Variants in MACROD2 observed in about 807,000 individuals in gnomAD.
MACROD2 encodes the protein ADP-ribose glycohydrolase MACROD2.
MACROD2 carries 36 observed loss-of-function variants against 70.4 expected under a neutral mutation model. The observed-to-expected ratio is 0.51, with a 90% CI of 0.39 to 0.68. MACROD2 has a LOEUF of 0.68. Among genes scored for constraint, MACROD2 ranks in the 30% least tolerant of loss-of-function variants. MACROD2 has a pLI of 0.00. For synonymous variants in MACROD2, 172 were observed against 178.8 expected (o/e 0.96, Z 0.30); for missense variants, 496 against 538.4 (o/e 0.92, Z 0.78).
chr20:15,297,996 C>T (rs1174014057), intron 6 of MACROD2, among the ~76,000 whole-genome samples: 1 of 152,148 alleles, frequency 6.6e-6, no homozygotes, highest in Non-Finnish European at 1.5e-5. Context: ...AATTGTCCTT[C>T]AAAGAGATGG....
chr20:15,138,461 A>G (rs1015604236), intron 5 of MACROD2, among the ~76,000 whole-genome samples: 1 of 152,142 alleles, frequency 6.6e-6, no homozygotes, highest in African/African-American at 2.4e-5. Context: ...TGTAAAATTC[A>G]AAGAGTAGAA....
At chr20:14,031,083 T>C (rs2053241868) in intron 2 of MACROD2, among the ~76,000 whole-genome samples, 1 of 152,248 alleles carries the variant, frequency 6.6e-6, no homozygotes, top group Non-Finnish European at 1.5e-5. Flanking sequence ...CTAACAGCTC[T>C]AGCCTGGGAT....
chr20:14,303,285 G>A (rs544280787), intron 3 of MACROD2, among the ~76,000 whole-genome samples: 101 of 152,252 alleles, frequency 6.6e-4, no homozygotes, highest in Non-Finnish European at 2.8e-4. Flanking sequence ...ACAGCTGAGG[G>A]GATCAGCGGA....
At chr20:14,489,448 G>A (rs780108852) in intron 3 of MACROD2, among the ~76,000 whole-genome samples, 4 of 152,126 alleles carry the variant, frequency 2.6e-5, no homozygotes, top group Non-Finnish European at 4.4e-5. Flanking sequence ...CAAACTCTAG[G>A]GAATATAATG....
chr20:15,768,533 G>C (rs555850705), intron 8 of MACROD2, among the ~76,000 whole-genome samples: 15 of 152,308 alleles, frequency 9.8e-5, no homozygotes, highest in African/African-American at 3.4e-4. Flanking sequence ...GTGAGTGAAT[G>C]TGAAGTCCTC....
At chr20:14,944,507 G>C (rs2074414406) in intron 5 of MACROD2, among the ~76,000 whole-genome samples, 1 of 152,154 alleles carries the variant, frequency 6.6e-6, no homozygotes, top group Admixed American at 6.5e-5. Flanking sequence ...TACTAGGCTT[G>C]TCTGCTGTCA....
intron 5 of MACROD2, among the ~76,000 whole-genome samples, chr20:15,161,415 C>T (rs1486525495): frequency 1.3e-5 from 2 of 150,430 alleles, no homozygotes; most frequent in African/African-American, 2.4e-5. Flanking sequence ...AAAATATTAC[C>T]TCCTACACAC....
At chr20:14,146,913 A>G (rs1282797091) in intron 3 of MACROD2, among the ~76,000 whole-genome samples, 1 of 152,184 alleles carries the variant, frequency 6.6e-6, no homozygotes, top group African/African-American at 2.4e-5. Context: ...AATAGAGAAT[A>G]CAGTGGCCCA....
chr20:14,948,804 C>G (rs945005552), intron 5 of MACROD2, among the ~76,000 whole-genome samples: 4 of 152,152 alleles, frequency 2.6e-5, no homozygotes, highest in African/African-American at 9.7e-5. Flanking sequence ...TAATACAGGA[C>G]TTTCGCTAAG....
chr20:14,122,631 G>A (rs1316738143), intron 3 of MACROD2, among the ~76,000 whole-genome samples: 1 of 152,078 alleles, frequency 6.6e-6, no homozygotes, highest in African/African-American at 2.4e-5. Context: ...TCTCAAGGGG[G>A]TGTCAGAACG....
chr20:16,005,502 G>T (rs566405991), intron 15 of MACROD2, among the ~76,000 whole-genome samples: 11 of 152,136 alleles, frequency 7.2e-5, no homozygotes, highest in Admixed American at 1.3e-4. Flanking sequence ...CAGAGAGAGC[G>T]TACTTCACCA....
intron 5 of MACROD2, among the ~76,000 whole-genome samples, chr20:15,227,352 A>C (rs998315359): frequency 1.3e-5 from 2 of 149,976 alleles, no homozygotes; most frequent in South Asian, 2.1e-4. Flanking sequence ...TCTCTCCCTT[A>C]TCCCTCCCTC....
chr20:14,548,337 A>G (rs946099218), intron 4 of MACROD2, among the ~76,000 whole-genome samples: 2 of 152,162 alleles, frequency 1.3e-5, no homozygotes, highest in Non-Finnish European at 2.9e-5. Flanking sequence ...ATTTACATTC[A>G]GAATACTGGT....
intron 5 of MACROD2, among the ~76,000 whole-genome samples, chr20:15,033,278 G>T (rs1377966955): frequency 2.6e-5 from 4 of 152,076 alleles, no homozygotes; most frequent in Admixed American, 2.0e-4. Context: ...ACTAAAACAG[G>T]TATCTTAAAA....
chr20:14,327,373 T>A, intron 3 of MACROD2: 1 of 1,613,730 alleles, frequency 6.2e-7, no homozygotes, highest in Non-Finnish European at 8.5e-7. Flanking sequence ...AAAGCGATCA[T>A]TACAGTAAAT....
At chr20:14,988,393 A>T (rs1187643513) in intron 5 of MACROD2, among the ~76,000 whole-genome samples, 1 of 150,280 alleles carries the variant, frequency 6.7e-6, no homozygotes, top group African/African-American at 2.4e-5. Context: ...AAATATCAAT[A>T]TCAAGTCCAT....
intron 3 of MACROD2, among the ~76,000 whole-genome samples, chr20:14,271,496 A>G (rs370355657): frequency 2.6e-5 from 4 of 152,338 alleles, no homozygotes; most frequent in Admixed American, 6.5e-5. Flanking sequence ...CCATCTGCAC[A>G]TCACCATCGT....
intron 8 of MACROD2, among the ~76,000 whole-genome samples, chr20:15,528,785 A>C (rs1309957484): frequency 2.6e-5 from 4 of 151,932 alleles, no homozygotes; most frequent in Non-Finnish European, 4.4e-5. Context: ...GAAGAAGAAG[A>C]AGCAAATGCC....
At chr20:14,612,496 GA>G (rs1270214129) in intron 4 of MACROD2, among the ~76,000 whole-genome samples, 2 of 152,058 alleles carry the variant, frequency 1.3e-5, no homozygotes, top group Non-Finnish European at 2.9e-5. Flanking sequence ...ATGGGAGTAT[GA>G]AAATATCTGA....
Sources: allele counts gnomAD v4.1 joint callset (sites outside exome capture counted in the v4.1 genomes callset), GRCh38; gene constraint gnomAD v4.1.1; transcripts MANE v1.5; gene names NCBI Gene and HGNC (gene_info 2026-07-23, HGNC 2026-07-21).